Variants in GABRA5 observed in about 807,000 individuals in gnomAD.
GABRA5 encodes gamma-aminobutyric acid receptor subunit alpha-5.
A neutral mutation model predicts 47.3 loss-of-function variants in GABRA5; 18 were observed. The ratio of observed to expected loss-of-function variants is 0.38; its 90% confidence interval spans 0.26 to 0.56. The LOEUF (loss-of-function observed/expected upper bound fraction) is 0.56. Ranked by LOEUF, GABRA5 falls within the 20% of genes least tolerant of loss-of-function variation. The pLI, the probability that GABRA5 is intolerant of heterozygous loss-of-function variation, is 0.71. For missense variants in GABRA5, 365 were observed against 599.3 expected, an observed-to-expected ratio of 0.61 and a Z score of 4.08; for synonymous variants, 237 against 229.3, an observed-to-expected ratio of 1.03 and a Z score of -0.30.
At chr15:26,872,643 G>A (rs1892501050) in intron 3 of GABRA5, among the ~76,000 whole-genome samples, 1 of 152,200 alleles carries the variant, frequency 6.6e-6, no homozygotes, top group African/African-American at 2.4e-5. Flanking sequence ...GAAAGGAGAA[G>A]CATCAAAGGG....
chr15:26,895,812 C>CAAAAAAAAAAAAAAAAA (rs376170037), intron 6 of GABRA5, among the ~76,000 whole-genome samples: 8 of 123,274 alleles, frequency 6.5e-5, no homozygotes, highest in African/African-American at 2.8e-4. Flanking sequence ...AAGACTCCGT[C>CAAAAAAAAAAAAAAAAA]AAAAAAAAAA....
At chr15:26,878,593 C>A (rs1432446273) in intron 3 of GABRA5, among the ~76,000 whole-genome samples, 1 of 152,170 alleles carries the variant, frequency 6.6e-6, no homozygotes, top group African/African-American at 2.4e-5. Flanking sequence ...CTCCTAGAGG[C>A]TATCTTCAGT....
At chr15:26,893,268 G>GGT (rs747749734) in intron 6 of GABRA5, among the ~76,000 whole-genome samples, 1 of 147,358 alleles carries the variant, frequency 6.8e-6, no homozygotes, top group Admixed American at 6.8e-5. Context: ...GTGTGTGTAT[G>GGT]GTGTGTGTGT....
chr15:26,925,001 AT>A (rs1893927037), intron 7 of GABRA5, among the ~76,000 whole-genome samples: 1 of 152,048 alleles, frequency 6.6e-6, no homozygotes. Flanking sequence ...TATGTATAAT[AT>A]GCACTTTTAT....
At chr15:26,942,702 TC>T (rs1485747928) in intron 9 of GABRA5, among the ~76,000 whole-genome samples, 2 of 152,140 alleles carry the variant, frequency 1.3e-5, no homozygotes, top group Non-Finnish European at 2.9e-5. Context: ...ATCCCTGCCC[TC>T]CTCAGTTCAC....
intron 1 of GABRA5, chr15:26,868,162 C>G (rs1347761622): frequency 6.6e-6 from 1 of 151,964 alleles, no homozygotes; most frequent in Non-Finnish European, 1.5e-5. Context: ...GTCCCTGGCT[C>G]GGGGCTGAGG....
intron 6 of GABRA5, among the ~76,000 whole-genome samples, chr15:26,913,108 C>T (rs895593602): frequency 1.3e-4 from 19 of 145,892 alleles, no homozygotes; most frequent in Non-Finnish European, 2.4e-4. Flanking sequence ...TGCTTGAACC[C>T]GGGAGTGGAG....
intron 6 of GABRA5, among the ~76,000 whole-genome samples, chr15:26,892,770 G>GGAAGA (rs1458418417): frequency 6.6e-6 from 1 of 152,218 alleles, no homozygotes; most frequent in Non-Finnish European, 1.5e-5. Context: ...AGAGGATCGT[G>GGAAGA]GGATGGAATC....
intron 7 of GABRA5, among the ~76,000 whole-genome samples, chr15:26,927,344 C>A (rs1306978788): frequency 6.6e-6 from 1 of 151,406 alleles, no homozygotes. Context: ...GAACTCCTGA[C>A]CTCGTGATCC....
Position 26,948,370 on chromosome 15 carries a change from T to G in GABRA5, c.*137T>G, listed in dbSNP as rs1184098332. ...TTGCATGTTTAATAATATGTACAAA[T>G]AATATTGCCTTGATGTTTCTATATG... On this transcript the variant is annotated 3_prime_UTR_variant, in exon 11 of 11. Coordinates refer to ENST00000335625, the MANE Select transcript of GABRA5 (RefSeq NM_000810.4). 4.1e-6 allele frequency: 3 copies of G among 729,670 alleles called. No homozygotes were observed. Among genetic ancestry groups the G allele is most frequent in the Middle Eastern group, 7.8e-4 (2 of 2,548 alleles). 45.2% of individuals were successfully genotyped at this position (729,670 alleles called of 1,614,324 possible). A position where few individuals can be genotyped will look rare whatever the true frequency, so the allele number is the denominator to read the frequency against.
At chr15:26,939,190 G>A (rs10220795) in intron 8 of GABRA5, 2 of 759,974 alleles carry the variant, frequency 2.6e-6, no homozygotes, top group Non-Finnish European at 4.8e-6. Flanking sequence ...GACTGGCCCA[G>A]CGGGCCTCAC....
intron 3 of GABRA5, among the ~76,000 whole-genome samples, chr15:26,874,540 G>A (rs771343619): frequency 5.3e-5 from 8 of 152,118 alleles, no homozygotes; most frequent in African/African-American, 1.9e-4. Flanking sequence ...GGAAGGAATG[G>A]GGGGAGGACT....
At chr15:26,936,436 C>T (rs991701473) in intron 7 of GABRA5, among the ~76,000 whole-genome samples, 2 of 152,056 alleles carry the variant, frequency 1.3e-5, no homozygotes, top group Non-Finnish European at 2.9e-5. Context: ...TGAGTGGAGC[C>T]CTTTTGTCAT....
At chr15:26,921,697 T>G (rs1226105863) in intron 7 of GABRA5, among the ~76,000 whole-genome samples, 22 of 152,166 alleles carry the variant, frequency 1.4e-4, no homozygotes, top group Non-Finnish European at 4.4e-5. Flanking sequence ...GTTATTGATT[T>G]GAGACTTTTT....
intron 6 of GABRA5, among the ~76,000 whole-genome samples, chr15:26,906,952 G>A (rs915860720): frequency 6.6e-6 from 1 of 152,110 alleles, no homozygotes; most frequent in African/African-American, 2.4e-5. Context: ...AACTTACGAT[G>A]GTTTTCCCAA....
At chr15:26,909,388 T>C (rs1167226513) in intron 6 of GABRA5, among the ~76,000 whole-genome samples, 1 of 152,180 alleles carries the variant, frequency 6.6e-6, no homozygotes, top group Non-Finnish European at 1.5e-5. Flanking sequence ...GGGAAACATA[T>C]TGACAGGTAG....
At chr15:26,922,569 G>A (rs1893868259) in intron 7 of GABRA5, among the ~76,000 whole-genome samples, 2 of 151,832 alleles carry the variant, frequency 1.3e-5, no homozygotes, top group African/African-American at 4.8e-5. Context: ...TTAATGTAAT[G>A]AATGAAATGT....
chr15:26,895,072 T>C (rs1323751590), intron 6 of GABRA5, among the ~76,000 whole-genome samples: 2 of 152,074 alleles, frequency 1.3e-5, no homozygotes, highest in African/African-American at 4.8e-5. Flanking sequence ...GCTGGTTTTA[T>C]GTATGGATGG....
Position 26,930,006 on chromosome 15 carries a change from C to CTTTTTTTTTTTTTTTTTTTTTTTTTTTT in GABRA5, c.581-7163_581-7162insTTTTTTTTTTTTTTTTTTTTTTTTTTTT, listed in dbSNP as rs72082419. Among the ~76,000 whole-genome samples, 4 of 113,382 alleles carry CTTTTTTTTTTTTTTTTTTTTTTTTTTTT rather than the reference C, an allele frequency of 3.5e-5. No individual in the cohort carries two copies. The East Asian group carries it at 9.0e-4, about 26-fold the overall frequency. 74.4% of individuals were successfully genotyped at this position (113,382 alleles called of 152,430 possible). ...CTTTCTTCTTCTTCTTCTTCTTCTTCTTTTTTTTTTTTTTTTGTTTTTTGT... is the reference window on the plus strand; with the variant it reads ...CTTTCTTCTTCTTCTTCTTCTTCTTCTTTTTTTTTTTTTTTTTTTTTTTTTTTTTTTTTTTTTTTTTTTTGTTTTTTGT... On this transcript the variant is annotated intron_variant, in intron 7 of 10. Coordinates refer to ENST00000335625, the MANE Select transcript of GABRA5 (RefSeq NM_000810.4).
Sources: gnomAD v4.1 joint callset for allele counts (sites outside exome capture counted in the v4.1 genomes callset) on GRCh38, gnomAD v4.1.1 for gene constraint, MANE v1.5 for transcripts, NCBI Gene and HGNC (gene_info 2026-07-23, HGNC 2026-07-21) for gene names.